CERS3: variants seen among roughly 807,000 people sequenced by gnomAD.
CERS3 encodes ceramide synthase 3, also known as LAG1 homolog, ceramide synthase 3.
Under a neutral mutation model 50.3 loss-of-function variants are expected in CERS3, and 33 were observed. The ratio of observed to expected loss-of-function variants is 0.66; its 90% CI spans 0.50 to 0.88. CERS3 has a LOEUF of 0.88. Ranked by LOEUF, CERS3 falls within the 40% of genes least tolerant of loss-of-function variation. The pLI, the probability that CERS3 is intolerant of heterozygous loss-of-function variation, is 0.00. For missense variants in CERS3, 470 were observed against 460.3 expected, an observed-to-expected ratio of 1.02 and a Z score of -0.19; for synonymous variants, 176 against 155.2, an observed-to-expected ratio of 1.13 and a Z score of -0.99.
upstream of CERS3, among the ~76,000 whole-genome samples, chr15:100,532,264 A>C (rs2036955258): frequency 6.6e-6 from 1 of 152,208 alleles, no homozygotes; most frequent in African/African-American, 2.4e-5. Context: ...AGAGAAGAAA[A>C]CGTAAGAATC....
chr15:100,431,208 C>T (rs1198256560), intron 11 of CERS3, among the ~76,000 whole-genome samples: 1 of 152,184 alleles, frequency 6.6e-6, no homozygotes, highest in Non-Finnish European at 1.5e-5. Context: ...TCTAAAATTC[C>T]ATGCTTTCAA....
intron 2 of CERS3, among the ~76,000 whole-genome samples, chr15:100,509,789 C>G (rs889409025): frequency 3.3e-5 from 5 of 152,016 alleles, no homozygotes; most frequent in African/African-American, 1.2e-4. Context: ...ACAGTAGACA[C>G]CAAATGAATA....
At chr15:100,475,861 G>A (rs747525281) in intron 8 of CERS3, 6 of 268,064 alleles carry the variant, frequency 2.2e-5, no homozygotes, top group African/African-American at 4.5e-5. Flanking sequence ...TTGAACAGAG[G>A]TGGAGCTTCA....
At chr15:100,433,771 C>T in intron 11 of CERS3, among the ~76,000 whole-genome samples, 1 of 152,268 alleles carries the variant, frequency 6.6e-6, no homozygotes, top group Admixed American at 6.5e-5. Flanking sequence ...TCTCAACTGA[C>T]ATGGCAGGAA....
intron 8 of CERS3, among the ~76,000 whole-genome samples, chr15:100,473,378 C>A (rs62038990): frequency 3.9e-4 from 59 of 151,932 alleles, no homozygotes; most frequent in Non-Finnish European, 6.2e-4. Context: ...CTGCCTATTC[C>A]CCAAAAAGAA....
At chr15:100,504,236 ATTCTTT>A (rs1329991077) in intron 2 of CERS3, among the ~76,000 whole-genome samples, 1 of 104,774 alleles carries the variant, frequency 9.5e-6, no homozygotes, top group Non-Finnish European at 1.8e-5. Context: ...TCCTTGGACT[ATTCTTT>A]TTTTTTTTTT....
At chr15:100,500,570 C>T (rs1038429382) in intron 3 of CERS3, 1 of 152,218 alleles carries the variant, frequency 6.6e-6, no homozygotes, top group Non-Finnish European at 1.5e-5. Flanking sequence ...AATGCAAAAA[C>T]ACCTAGTATT....
At chr15:100,502,425 C>T (rs1234655190) in intron 2 of CERS3, among the ~76,000 whole-genome samples, 2 of 152,124 alleles carry the variant, frequency 1.3e-5, no homozygotes, top group East Asian at 1.9e-4. Flanking sequence ...ACTATTCACA[C>T]TTTTGGCAAA....
At chr15:100,455,012 G>A (rs998300035) in intron 11 of CERS3, among the ~76,000 whole-genome samples, 2 of 152,104 alleles carry the variant, frequency 1.3e-5, no homozygotes, top group Non-Finnish European at 2.9e-5. Flanking sequence ...TCAGGGAAAT[G>A]TGCAAGTGAA....
intron 2 of CERS3, among the ~76,000 whole-genome samples, chr15:100,513,540 C>CT (rs11428048): frequency 0.11 from 16,486 of 143,798 alleles, 1,184 homozygotes; most frequent in Admixed American, 0.2. Flanking sequence ...GTTTTCTTTT[C>CT]TTTTTTTTTT....
intron 2 of CERS3, among the ~76,000 whole-genome samples, chr15:100,504,663 C>G (rs1241670356): frequency 2.6e-5 from 4 of 152,134 alleles, no homozygotes; most frequent in African/African-American, 9.7e-5. Flanking sequence ...CTTAGTGATA[C>G]TTCCTCTTGA....
intron 2 of CERS3, among the ~76,000 whole-genome samples, chr15:100,506,462 C>CCCCCA (rs1555533154): frequency 4.4e-4 from 3 of 6,866 alleles, no homozygotes; most frequent in African/African-American, 3.3e-4. Context: ...GAAATCGGGA[C>CCCCCA]CCCCCCGCCG....
At chr15:100,526,492 G>GTGTGTGTGTGTGTGTT (rs2036797070) in intron 1 of CERS3, among the ~76,000 whole-genome samples, 2 of 151,742 alleles carry the variant, frequency 1.3e-5, no homozygotes, top group Non-Finnish European at 2.9e-5. Flanking sequence ...GTGTGTGTGT[G>GTGTGTGTGTGTGTGTT]TGTGTGTGTG....
At chr15:100,467,850 T>TATATATATATATAGATAGATAG (rs145899470) in intron 10 of CERS3, among the ~76,000 whole-genome samples, 2 of 93,134 alleles carry the variant, frequency 2.1e-5, no homozygotes, top group Admixed American at 1.2e-4. Context: ...TATATATATA[T>TATATATATATATAGATAGATAG]ATAGATAGAT....
intron 11 of CERS3, among the ~76,000 whole-genome samples, chr15:100,439,439 T>C (rs1431375381): frequency 6.6e-6 from 1 of 152,136 alleles, no homozygotes; most frequent in East Asian, 1.9e-4. Context: ...TACTGAGAGT[T>C]TTCCATGTGT....
upstream of CERS3, among the ~76,000 whole-genome samples, chr15:100,531,466 C>A (rs1430328578): frequency 6.6e-6 from 1 of 152,040 alleles, no homozygotes; most frequent in Non-Finnish European, 1.5e-5. Context: ...TTTGTGGGAG[C>A]TGTGGACCTA....
intron 8 of CERS3, among the ~76,000 whole-genome samples, chr15:100,474,024 C>A (rs1211079512): frequency 6.6e-6 from 1 of 152,086 alleles, no homozygotes; most frequent in African/African-American, 2.4e-5. Flanking sequence ...TGAAACAAGA[C>A]AAACATAAAA....
chr15:100,441,258 T>A (rs1230108199), intron 11 of CERS3, among the ~76,000 whole-genome samples: 1 of 150,992 alleles, frequency 6.6e-6, no homozygotes, highest in East Asian at 1.9e-4. Context: ...ACCCCTTATT[T>A]CCATGCCCCA....
At chr15:100,506,832 G>A (rs1039511107) in intron 2 of CERS3, among the ~76,000 whole-genome samples, 2 of 152,190 alleles carry the variant, frequency 1.3e-5, no homozygotes, top group Admixed American at 1.3e-4. Context: ...TCTTTTTAAG[G>A]TGGTGAAAAT....
Sources: gnomAD v4.1 joint callset for allele counts (sites outside exome capture counted in the v4.1 genomes callset) on GRCh38, gnomAD v4.1.1 for gene constraint, MANE v1.5 for transcripts, NCBI Gene and HGNC (gene_info 2026-07-23, HGNC 2026-07-21) for gene names.